Variants in STIM1 observed in about 807,000 individuals in gnomAD.
STIM1 encodes stromal interaction molecule 1.
STIM1 carries 25 observed loss-of-function variants against 74.7 expected under a neutral mutation model. That is an observed-to-expected ratio of 0.33 (90% confidence interval 0.24 to 0.47). STIM1 has a LOEUF of 0.47. Ranked by LOEUF, STIM1 falls within the 20% of genes least tolerant of loss-of-function variation. The pLI is 1.00. For missense variants in STIM1, 728 were observed against 920.8 expected, an observed-to-expected ratio of 0.79 and a Z score of 2.71; for synonymous variants, 328 against 348.8, an observed-to-expected ratio of 0.94 and a Z score of 0.66.
chr11:4,001,640 A>C (rs1488857221), intron 2 of STIM1, among the ~76,000 whole-genome samples: 2 of 152,202 alleles, frequency 1.3e-5, no homozygotes, highest in Non-Finnish European at 2.9e-5. Context: ...TCATACCAAA[A>C]TGTAAAGACC....
chr11:3,866,195 T>C (rs1370034375), intron 1 of STIM1, among the ~76,000 whole-genome samples: 2 of 152,226 alleles, frequency 1.3e-5, no homozygotes, highest in African/African-American at 4.8e-5. Context: ...AACAAACTTT[T>C]ATTTATACTG....
rs1554956771 is a variant in STIM1, at chr11:3,916,287, G to GA, written c.140-51265_140-51264insA. ...AATGTGTGCCAATCCAGTCAGTAATGTTTTTTTTTTTTTAATTGAGACAGA... is the reference window on the plus strand; with the variant it reads ...AATGTGTGCCAATCCAGTCAGTAATGATTTTTTTTTTTTTAATTGAGACAGA... On this transcript the variant is annotated intron_variant, in intron 1 of 12. Coordinates refer to ENST00000526596, the MANE Select transcript of STIM1 (RefSeq NM_001382567.1). Among the ~76,000 whole-genome samples the GA allele has an allele frequency of 6.4e-4, 93 of 144,578 alleles. 2 individuals carry two copies. Among genetic ancestry groups the GA allele is most frequent in the African/African-American group, 1.5e-3 (62 of 40,146 alleles). The allele number at this position is 144,578 out of a possible 152,430, so 94.8% of individuals were successfully genotyped here. A position where few individuals can be genotyped will look rare whatever the true frequency, so the allele number is the denominator to read the frequency against.
intron 2 of STIM1, among the ~76,000 whole-genome samples, chr11:3,985,048 G>A (rs1039128861): frequency 1.3e-5 from 2 of 152,162 alleles, no homozygotes; most frequent in African/African-American, 2.4e-5. Context: ...GTGAGAGTAG[G>A]CATAGTTTGC....
At chr11:3,881,169 C>A (rs1363602383) in intron 1 of STIM1, among the ~76,000 whole-genome samples, 1 of 150,310 alleles carries the variant, frequency 6.7e-6, no homozygotes, top group Non-Finnish European at 1.5e-5. Flanking sequence ...GGATTTAGTA[C>A]TATCATAAAT....
intron 1 of STIM1, among the ~76,000 whole-genome samples, chr11:3,863,243 T>C (rs1705741514): frequency 1.5e-5 from 1 of 65,304 alleles, no homozygotes; most frequent in South Asian, 7.1e-4. Context: ...TGTGTGTGTG[T>C]GTGTGTGTGT....
intron 1 of STIM1, among the ~76,000 whole-genome samples, chr11:3,950,717 CT>C (rs2093136154): frequency 6.6e-6 from 1 of 152,110 alleles, no homozygotes; most frequent in South Asian, 2.1e-4. Context: ...CTTCAAACTG[CT>C]GGGCTCAAGG....
At chr11:4,039,606 CGAAA>C (rs1042370420) in intron 3 of STIM1, among the ~76,000 whole-genome samples, 2 of 113,204 alleles carry the variant, frequency 1.8e-5, no homozygotes, top group African/African-American at 6.3e-5. Context: ...AAAAAAAAAA[CGAAA>C]GAAAGAAAAT....
chr11:4,056,062 T>A (rs1192226565), intron 4 of STIM1, among the ~76,000 whole-genome samples: 1 of 152,222 alleles, frequency 6.6e-6, no homozygotes, highest in Non-Finnish European at 1.5e-5. Context: ...TTGGTGTACA[T>A]CAAACCCTGT....
chr11:3,930,311 A>G (rs953538676), intron 1 of STIM1, among the ~76,000 whole-genome samples: 1 of 152,216 alleles, frequency 6.6e-6, no homozygotes, highest in African/African-American at 2.4e-5. Context: ...TGACTTAGTA[A>G]CCTAATGTTA....
rs114341856 is a variant in STIM1 at position 3,936,721 on chromosome 11, C to G, written c.140-30831C>G. ...GCACTATAGAGGCAACATAGATAGT[C>G]TGGAGATGGAGAGTGGCCTTGAAAT... On this transcript the variant is annotated intron_variant, in intron 1 of 12. Coordinates refer to ENST00000526596, the MANE Select transcript of STIM1 (RefSeq NM_001382567.1). 2.0e-5 allele frequency among the ~76,000 whole-genome samples: 3 copies of G among 152,284 alleles called. No homozygotes were observed. In the East Asian group the frequency reaches 5.8e-4, roughly 29 times the overall value.
At position 4,086,547 on chromosome 11, in the gene STIM1, G is replaced by C. The variant is rs772854137; in HGVS notation, c.1634+4G>C. ...AGCATGGCCTGGGATCTCAGAGGTTGGTAGAGGGCGAGGCTGGCCACTTCT... is the reference window on the plus strand; with the variant it reads ...AGCATGGCCTGGGATCTCAGAGGTTCGTAGAGGGCGAGGCTGGCCACTTCT... On this transcript the variant is annotated splice_donor_region_variant and intron_variant, in intron 12 of 12. Coordinates refer to ENST00000526596, the MANE Select transcript of STIM1 (RefSeq NM_001382567.1). The C allele has an allele frequency of 6.2e-7, 1 of 1,614,092 alleles. No homozygotes were observed. The highest frequency in any genetic ancestry group is 1.1e-5 in the South Asian group (1 of 91,046).
At chr11:4,089,457 A>G (rs1002277827) in intron 12 of STIM1, among the ~76,000 whole-genome samples, 6 of 152,210 alleles carry the variant, frequency 3.9e-5, no homozygotes, top group Non-Finnish European at 7.3e-5. Flanking sequence ...GGAGAAGGCA[A>G]GATATGGAGA....
At chr11:4,064,302 A>ACAC (rs1172870488) in intron 5 of STIM1, among the ~76,000 whole-genome samples, 1 of 152,164 alleles carries the variant, frequency 6.6e-6, no homozygotes, top group African/African-American at 2.4e-5. Context: ...TGTTTACAAA[A>ACAC]AGTCCCTTGA....
chr11:3,859,265 C>G (rs1258239248), intron 1 of STIM1, among the ~76,000 whole-genome samples: 2 of 152,200 alleles, frequency 1.3e-5, no homozygotes, highest in African/African-American at 4.8e-5. Context: ...GGCAGGTGCT[C>G]TACAAGGAGG....
intron 1 of STIM1, among the ~76,000 whole-genome samples, chr11:3,928,619 A>G (rs1321838042): frequency 2.0e-5 from 3 of 151,954 alleles, no homozygotes; most frequent in East Asian, 1.9e-4. Context: ...GCGTGTGTGC[A>G]TGTGTATGCA....
chr11:4,008,710 C>CT, intron 2 of STIM1, among the ~76,000 whole-genome samples: 1 of 152,234 alleles, frequency 6.6e-6, no homozygotes, highest in East Asian at 1.9e-4. Context: ...CTCACTCAGG[C>CT]TAGGACCATG....
At chr11:3,885,410 C>G (rs2091669371) in intron 1 of STIM1, among the ~76,000 whole-genome samples, 1 of 152,068 alleles carries the variant, frequency 6.6e-6, no homozygotes, top group African/African-American at 2.4e-5. Flanking sequence ...TGGTCTTGAA[C>G]CCCTGGGCTC....
At chr11:4,035,189 T>C (rs1294474085) in intron 3 of STIM1, among the ~76,000 whole-genome samples, 1 of 152,050 alleles carries the variant, frequency 6.6e-6, no homozygotes, top group Non-Finnish European at 1.5e-5. Flanking sequence ...CTTTCTTCTT[T>C]TCTAATACAG....
intron 6 of STIM1, among the ~76,000 whole-genome samples, chr11:4,071,794 G>C (rs563350993): frequency 1.3e-5 from 2 of 152,322 alleles, no homozygotes; most frequent in East Asian, 3.9e-4. Flanking sequence ...GGAAATGAAG[G>C]CTCAGAGAGG....
Sources: gnomAD v4.1 joint callset for allele counts (sites outside exome capture counted in the v4.1 genomes callset) on GRCh38, gnomAD v4.1.1 for gene constraint, MANE v1.5 for transcripts, NCBI Gene and HGNC (gene_info 2026-07-23, HGNC 2026-07-21) for gene names.